Variants in ZNF202 observed in about 807,000 individuals in gnomAD.
ZNF202 encodes zinc finger protein with KRAB and SCAN domains 10.
ZNF202 carries 22 observed loss-of-function variants against 54.5 expected under a neutral mutation model. That is an observed-to-expected ratio of 0.40 (90% CI 0.29 to 0.58). The LOEUF is 0.58. Ranked by LOEUF, ZNF202 falls within the 20% of genes least tolerant of loss-of-function variation. ZNF202 has a pLI of 0.39. For missense variants in ZNF202, 644 were observed against 805.5 expected, an observed-to-expected ratio of 0.80 and a Z score of 2.43; for synonymous variants, 294 against 301.4, an observed-to-expected ratio of 0.98 and a Z score of 0.26.
chr11:123,727,045 C>T, intron 8 of ZNF202, 54 bp from the exon 9 acceptor site: 1 of 1,545,808 alleles, frequency 6.5e-7, no homozygotes, highest in Non-Finnish European at 8.7e-7. Flanking sequence ...ACAATGCCTT[C>T]TACACAATGG....
intron 1 of ZNF202, 95 bp from the exon 2 acceptor site, chr11:123,740,631 T>C (rs1188673404): frequency 1.3e-5 from 2 of 152,226 alleles, no homozygotes; most frequent in Non-Finnish European, 1.5e-5. Flanking sequence ...CCAAGGTTGT[T>C]CAAGAAAGGC....
chr11:123,732,299 C>CT (rs1362843527), intron 3 of ZNF202, among the ~76,000 whole-genome samples: 28 of 152,298 alleles, frequency 1.8e-4, no homozygotes, highest in Admixed American at 1.8e-3. Flanking sequence ...CCTTCCATCA[C>CT]TCCCCGCTGT....
intron 3 of ZNF202, among the ~76,000 whole-genome samples, chr11:123,732,005 T>C (rs1248272151): frequency 6.6e-6 from 1 of 152,158 alleles, no homozygotes; most frequent in Non-Finnish European, 1.5e-5. Flanking sequence ...TACAACAGGG[T>C]GTCTTTTCAG....
rs184212293 is a variant in ZNF202 at position 123,737,232 on chromosome 11, A to T, written c.-98+2885T>A. On this transcript the variant is annotated intron_variant, in intron 3 of 8. Transcript: ENST00000530393. The stretch of plus-strand genomic sequence containing the variant: ...TAACTGGCAGGAGACAATCTGAGGC[A>T]AACTCAGTGTACCAAGAAGTCCTGT... 5.3e-5 allele frequency among the ~76,000 whole-genome samples: 8 copies of T among 152,308 alleles called. No individual in the cohort carries two copies. The East Asian group carries it at 1.5e-3, about 29-fold the overall frequency.
chr11:123,729,086 CA>C, intron 6 of ZNF202, 39 bp downstream of exon 6: 1 of 1,606,114 alleles, frequency 6.2e-7, no homozygotes, highest in Non-Finnish European at 8.5e-7. Context: ...AGTGGTTCTT[CA>C]AACAAATTCT....
At position 123,730,356 on chromosome 11, in the gene ZNF202, TG is replaced by T; in HGVS notation, c.402+130del. The T allele has an allele frequency of 8.7e-7, 1 of 1,148,648 alleles. No individual in the cohort carries two copies. The highest frequency in any genetic ancestry group is 1.2e-6 in the Non-Finnish European group (1 of 840,072). 71.2% of individuals were successfully genotyped at this position (1,148,648 alleles called of 1,614,324 possible). On this transcript the variant is annotated intron_variant, in intron 4 of 8. Coordinates refer to ENST00000530393, the MANE Select transcript of ZNF202 (RefSeq NM_003455.4). The surrounding 1 kb of genome is among the most constrained non-coding windows in gnomAD (Gnocchi z 6.0). ...ACATCCCCCTAATCCATGGGGCTCATGGTATATGAGCAACCCAAGGGCAGAG... is the reference window on the plus strand; with the variant it reads ...ACATCCCCCTAATCCATGGGGCTCATGTATATGAGCAACCCAAGGGCAGAG...
rs771395776 is a variant in ZNF202, at chr11:123,728,292, G to A, written c.703-30C>T. 3.1e-5 allele frequency: 50 copies of A among 1,588,360 alleles called. No homozygotes were observed. In the South Asian group the frequency reaches 4.4e-4, roughly 14 times the overall value. The stretch of plus-strand genomic sequence containing the variant: ...AACCACATAAGGATTTCATCAAAAC[G>A]TGATGCTACGGGTAGCCTCGTATTT... On this transcript the variant is annotated intron_variant, in intron 6 of 8. Coordinates refer to ENST00000530393, the MANE Select transcript of ZNF202 (RefSeq NM_003455.4).
chr11:123,735,341 T>C (rs979252291), intron 3 of ZNF202, among the ~76,000 whole-genome samples: 3 of 152,150 alleles, frequency 2.0e-5, no homozygotes, highest in African/African-American at 7.2e-5. Context: ...TCCTGCTCTC[T>C]CAAAGGGCTT....
At chr11:123,732,307 T>A (rs34875118) in intron 3 of ZNF202, among the ~76,000 whole-genome samples, 5,713 of 152,258 alleles carry the variant, frequency 0.038, 250 homozygotes, top group East Asian at 0.15. Context: ...CACTCCCCGC[T>A]GTCTTGTTAA....
chr11:123,729,858 A>T, intron 4 of ZNF202, 33 bp from the exon 5 acceptor site: 1 of 1,563,014 alleles, frequency 6.4e-7, no homozygotes, highest in Non-Finnish European at 8.6e-7. Flanking sequence ...GTCACCATGG[A>T]GTCAGGAGGA....
chr11:123,728,399 C>T, intron 6 of ZNF202, 137 bp from the exon 7 acceptor site: 1 of 1,169,344 alleles, frequency 8.6e-7, no homozygotes, highest in Non-Finnish European at 1.1e-6. Context: ...TAAACTCATT[C>T]TCGGGGGAGC....
In ZNF202 at chr11:123,730,759, T is replaced by C. The variant is rs1415619851; in HGVS notation, c.130A>G (p.Thr44Ala). The change falls in exon 4 of 9, where the codon ACC becomes GCC. Residue 44 changes from threonine to alanine, a missense_variant. Physicochemically the swap from Thr to Ala is moderately conservative, Grantham distance 58. This residue lies in a region of ZNF202 where 62 missense variants were observed against 122.8 expected (regional missense o/e 0.50). Transcript: ENST00000530393. This position sits in a 1 kb window ranked among gnomAD's most constrained non-coding sequence, Gnocchi z 6.0. The stretch of plus-strand genomic sequence containing the variant: ...AAGCGTCGGAAGTTCTGGTGGGAGG[T>C]TTCCAGCACCGGGTCATCCCTCTGT... ...VLQRDDPVLE[T>A]SHQNFRRFRY... The C allele has an allele frequency of 6.2e-7, 1 of 1,613,466 alleles. No homozygotes were observed. Among genetic ancestry groups the C allele is most frequent in the Non-Finnish European group, 8.5e-7 (1 of 1,179,892 alleles).
intron 3 of ZNF202, among the ~76,000 whole-genome samples, chr11:123,733,573 C>A (rs955615368): frequency 1.3e-5 from 2 of 152,018 alleles, no homozygotes; most frequent in African/African-American, 4.8e-5. Flanking sequence ...GGACAGTTTG[C>A]TTTTTTAAGA....
Position 123,726,865 on chromosome 11 carries a change from T to C in ZNF202, c.1079A>G (p.Asp360Gly). The C allele has an allele frequency of 1.2e-6, 2 of 1,614,242 alleles. No individual in the cohort carries two copies. The highest frequency in any genetic ancestry group is 1.7e-6 in the Non-Finnish European group (2 of 1,180,052). ...TCTTTCATTAAGTCTACCTGGATTG[T>C]CCTCAAAGACTATTTCCCAATCTGG... is the stretch of plus-strand genomic sequence containing the variant. Reference protein sequence around the residue: ...QTPDWEIVFEDNPGRLNERRF... With the variant: ...QTPDWEIVFEGNPGRLNERRF... Residue 360 changes from aspartate (D) to glycine (G), a missense_variant, in exon 9 of 9, where the codon GAC (aspartate) becomes GGC (glycine). Coordinates refer to ENST00000530393, the MANE Select transcript of ZNF202 (RefSeq NM_003455.4). The surrounding 1 kb of genome is among the most constrained non-coding windows in gnomAD (Gnocchi z 6.0).
rs575678939 is a variant in ZNF202, at chr11:123,730,339, C to G, written c.402+148G>C. ...GTCACATTCATACACACACATCCCC[C>G]TAATCCATGGGGCTCATGGTATATG... On this transcript the variant is annotated intron_variant, in intron 4 of 8. Coordinates refer to ENST00000530393, the MANE Select transcript of ZNF202 (RefSeq NM_003455.4). The surrounding 1 kb of genome is among the most constrained non-coding windows in gnomAD (Gnocchi z 6.0). 4.1e-6 allele frequency: 4 copies of G among 968,104 alleles called. No homozygotes were observed. In the South Asian group the frequency reaches 9.5e-5, roughly 23 times the overall value. The allele number at this position is 968,104 out of a possible 1,614,324, so 60.0% of individuals were successfully genotyped here.
chr11:123,736,638 T>C (rs571180337), intron 3 of ZNF202, among the ~76,000 whole-genome samples: 1 of 152,374 alleles, frequency 6.6e-6, no homozygotes, highest in African/African-American at 2.4e-5. Context: ...TTGTCCTATA[T>C]ACAAGCGCTT....
intron 8 of ZNF202, 105 bp downstream of exon 8, chr11:123,727,371 C>T: frequency 3.4e-6 from 5 of 1,488,282 alleles, no homozygotes; most frequent in Non-Finnish European, 3.6e-6. Flanking sequence ...TACTGGCTGA[C>T]ATGTTAGAAG....
At chr11:123,733,486 G>C (rs569111634) in intron 3 of ZNF202, among the ~76,000 whole-genome samples, 105 of 152,222 alleles carry the variant, frequency 6.9e-4, no homozygotes, top group Non-Finnish European at 7.4e-5. Flanking sequence ...AGTCCTGAGA[G>C]CCCTGGATTT....
Position 123,726,434 on chromosome 11 carries a change from T to C in ZNF202, c.1510A>G (p.Thr504Ala). ...SDLVRHQRTH[T>A]GEKPFFCTIC... ...GTACAAAAGAAGGGTTTTTCTCCAGTATGTGTCCTCTGATGTCTGACAAGG... is the reference window on the plus strand; with the variant it reads ...GTACAAAAGAAGGGTTTTTCTCCAGCATGTGTCCTCTGATGTCTGACAAGG... The change falls in exon 9 of 9, where the codon ACT (threonine) becomes GCT (alanine). Residue 504 changes from threonine to alanine, a missense_variant. This residue lies in a region of ZNF202 where 536 missense variants were observed against 635.3 expected (regional missense o/e 0.84). Transcript: ENST00000530393. This position sits in a 1 kb window ranked among gnomAD's most constrained non-coding sequence, Gnocchi z 6.0. 6.2e-7 allele frequency: 1 copy of C among 1,614,190 alleles called. No individual in the cohort carries two copies. Among genetic ancestry groups the C allele is most frequent in the Non-Finnish European group, 8.5e-7 (1 of 1,180,028 alleles).
Sources: allele counts gnomAD v4.1 joint callset (sites outside exome capture counted in the v4.1 genomes callset), GRCh38; gene constraint gnomAD v4.1.1; regional missense constraint gnomAD v4.1.1; non-coding constraint Gnocchi (gnomAD v3.1); transcripts MANE v1.5; gene names NCBI Gene and HGNC (gene_info 2026-07-23, HGNC 2026-07-21).